The following SUCLG2 variants were observed in gnomAD, a reference collection of about 807,000 sequenced individuals.
SUCLG2 encodes succinate-CoA ligase GDP-forming subunit beta.
A neutral mutation model predicts 47.9 loss-of-function variants in SUCLG2; 42 were observed. That is an observed-to-expected ratio of 0.88 (90% confidence interval 0.69 to 1.14). The LOEUF (loss-of-function observed/expected upper bound fraction) is 1.14. Ranked by LOEUF, SUCLG2 falls within the 50% of genes most tolerant of loss-of-function variation. SUCLG2 has a pLI of 0.00. For missense variants in SUCLG2, 571 were observed against 525.9 expected (o/e 1.09, Z -0.84); for synonymous variants, 195 against 197.3 (o/e 0.99, Z 0.10).
downstream of SUCLG2, among the ~76,000 whole-genome samples, chr3:67,374,213 A>C (rs1701990945): frequency 6.6e-6 from 1 of 152,226 alleles, no homozygotes; most frequent in African/African-American, 2.4e-5. Flanking sequence ...ATGGGCATTA[A>C]GAAAGGATGT....
chr3:67,478,564 T>C (rs1575723872), intron 9 of SUCLG2, among the ~76,000 whole-genome samples: 1 of 152,374 alleles, frequency 6.6e-6, no homozygotes, highest in East Asian at 1.9e-4. Flanking sequence ...TGATCCCTGG[T>C]TGTTTTCACT....
downstream of SUCLG2, chr3:67,374,666 A>AGAGGAAT (rs1701999230): frequency 2.6e-6 from 2 of 764,442 alleles, no homozygotes; most frequent in African/African-American, 3.8e-5. Context: ...CTTTGTAAAA[A>AGAGGAAT]AAAAAAATGT....
intron 2 of SUCLG2, among the ~76,000 whole-genome samples, chr3:67,537,552 T>G (rs546954805): frequency 6.6e-6 from 1 of 152,200 alleles, no homozygotes. Context: ...GTCTATATAG[T>G]AGAATGATTT....
chr3:67,375,989 T>C (rs1702028626), intron 10 of SUCLG2, 130 bp from the exon 11 acceptor site: 4 of 1,400,464 alleles, frequency 2.9e-6, no homozygotes, highest in Non-Finnish European at 3.7e-6. Context: ...TAGGTTCTCA[T>C]CAAGGTCACT....
At chr3:67,581,971 C>A (rs1445310394) in intron 2 of SUCLG2, among the ~76,000 whole-genome samples, 2 of 152,124 alleles carry the variant, frequency 1.3e-5, no homozygotes, top group Non-Finnish European at 2.9e-5. Context: ...ACTTACAATA[C>A]CCAAATTAAG....
intron 2 of SUCLG2, among the ~76,000 whole-genome samples, chr3:67,563,786 C>T (rs903488060): frequency 6.6e-6 from 1 of 151,650 alleles, no homozygotes; most frequent in African/African-American, 2.4e-5. Flanking sequence ...GGTGAAACCC[C>T]GTCTTTACTA....
At chr3:67,575,511 T>C (rs1237998981) in intron 2 of SUCLG2, among the ~76,000 whole-genome samples, 1 of 152,098 alleles carries the variant, frequency 6.6e-6, no homozygotes, top group Non-Finnish European at 1.5e-5. Flanking sequence ...AGGGGTTGCC[T>C]GGGGCTGGGG....
chr3:67,572,511 G>C (rs1443911228), intron 2 of SUCLG2, among the ~76,000 whole-genome samples: 6 of 152,074 alleles, frequency 3.9e-5, no homozygotes, highest in Admixed American at 1.3e-4. Flanking sequence ...ATATATGCAG[G>C]ACACAATTGT....
chr3:67,608,675 A>AT lies in SUCLG2; in HGVS notation c.226+779dup, dbSNP rs5849769. Among the ~76,000 whole-genome samples the AT allele has an allele frequency of 4.2e-3, 609 of 145,952 alleles. 2 individuals are homozygous for AT. The highest frequency in any genetic ancestry group is 0.01 in the African/African-American group (411 of 39,704). On this transcript the variant is annotated intron_variant, in intron 2 of 10. Transcript: ENST00000307227. ...GAAAGGGAAGTTGTTTGTTGTTCTA[A>AT]TTTTTTTTTTTTTTTTAAGAGAGAG... is the stretch of plus-strand genomic sequence containing the variant.
chr3:67,564,112 G>A (rs1194024477), intron 2 of SUCLG2, among the ~76,000 whole-genome samples: 1 of 152,140 alleles, frequency 6.6e-6, no homozygotes, highest in African/African-American at 2.4e-5. Flanking sequence ...TTTCCTACTA[G>A]AAAAATCAAG....
intron 9 of SUCLG2, among the ~76,000 whole-genome samples, chr3:67,462,418 T>C (rs1704359651): frequency 6.6e-6 from 1 of 152,154 alleles, no homozygotes; most frequent in African/African-American, 2.4e-5. Flanking sequence ...CATTAGATCA[T>C]ACCCTTTTTG....
intron 7 of SUCLG2, among the ~76,000 whole-genome samples, chr3:67,499,394 T>C (rs928489876): frequency 2.6e-5 from 4 of 152,198 alleles, no homozygotes; most frequent in Non-Finnish European, 5.9e-5. Context: ...GACCATCTTA[T>C]GGTGCTTCAG....
intron 10 of SUCLG2, among the ~76,000 whole-genome samples, chr3:67,392,616 C>T (rs746082026): frequency 6.6e-6 from 1 of 152,118 alleles, no homozygotes; most frequent in Non-Finnish European, 1.5e-5. Context: ...TTAGAGAAAA[C>T]GTCCTAATAC....
At chr3:67,638,884 T>A (rs1701051970) in intron 1 of SUCLG2, among the ~76,000 whole-genome samples, 1 of 152,344 alleles carries the variant, frequency 6.6e-6, no homozygotes, top group Non-Finnish European at 1.5e-5. Context: ...AATGAGCATA[T>A]GACCTAATCC....
chr3:67,650,334 A>T (rs1701264741), intron 1 of SUCLG2, among the ~76,000 whole-genome samples: 1 of 152,230 alleles, frequency 6.6e-6, no homozygotes, highest in South Asian at 2.1e-4. Context: ...ATTAGGCTGG[A>T]GCCATTCTTT....
chr3:67,393,935 A>C (rs918977826), intron 10 of SUCLG2, among the ~76,000 whole-genome samples: 3 of 152,152 alleles, frequency 2.0e-5, no homozygotes, highest in African/African-American at 7.2e-5. Context: ...CCTCTAGCAA[A>C]CTCCAACAGA....
chr3:67,636,481 T>C (rs1320021487), intron 1 of SUCLG2, among the ~76,000 whole-genome samples: 2 of 151,468 alleles, frequency 1.3e-5, no homozygotes, highest in Non-Finnish European at 2.9e-5. Flanking sequence ...GCCTCCCGAG[T>C]AGCTGGGACT....
At chr3:67,418,526 T>A (rs1158020962) in intron 9 of SUCLG2, among the ~76,000 whole-genome samples, 1 of 152,160 alleles carries the variant, frequency 6.6e-6, no homozygotes, top group East Asian at 1.9e-4. Flanking sequence ...AACTTCCTAA[T>A]CCTAAAGTGA....
intron 2 of SUCLG2, among the ~76,000 whole-genome samples, chr3:67,546,604 A>T (rs1239757894): frequency 6.6e-6 from 1 of 152,188 alleles, no homozygotes; most frequent in South Asian, 2.1e-4. Flanking sequence ...GCGTGGTAGC[A>T]CACGCCTATA....
Sources: allele counts gnomAD v4.1 joint callset (sites outside exome capture counted in the v4.1 genomes callset), GRCh38; gene constraint gnomAD v4.1.1; transcripts MANE v1.5; gene names NCBI Gene and HGNC (gene_info 2026-07-23, HGNC 2026-07-21).